LINGO2: variants seen among roughly 807,000 people sequenced by gnomAD.
LINGO2 encodes leucine rich repeat and Ig domain containing 2.
A neutral mutation model predicts 30.6 loss-of-function variants in LINGO2; 14 were observed. The observed-to-expected ratio is 0.46, with a 90% CI of 0.30 to 0.72. The LOEUF (loss-of-function observed/expected upper bound fraction) is 0.72, where lower values mean the gene tolerates loss of function less well. LINGO2 is among the 30% of genes least tolerant of loss of function. The pLI, the probability that LINGO2 is intolerant of heterozygous loss-of-function variation, is 0.07. For synonymous variants in LINGO2, 317 were observed against 288.5 expected (o/e 1.10, Z -1.00); for missense variants, 729 against 751.7 (o/e 0.97, Z 0.35).
At chr9:28,904,371 G>A in the LINGO2 span, among the ~76,000 whole-genome samples, 1 of 152,000 alleles carries the variant, frequency 6.6e-6, no homozygotes, top group Non-Finnish European at 1.5e-5. Context: ...CAATTAGCAA[G>A]AGAAAGAAAT....
At chr9:29,165,278 G>C in the LINGO2 span, among the ~76,000 whole-genome samples, 137 of 152,008 alleles carry the variant, frequency 9.0e-4, no homozygotes, top group Non-Finnish European at 1.5e-3. Flanking sequence ...CACATTTATT[G>C]AGTAACTATT....
the LINGO2 span, among the ~76,000 whole-genome samples, chr9:28,711,266 C>A: frequency 3.9e-5 from 6 of 152,016 alleles, no homozygotes; most frequent in Non-Finnish European, 7.4e-5. Context: ...TTAGGGCTAA[C>A]CCTACGTTTC....
the LINGO2 span, among the ~76,000 whole-genome samples, chr9:28,902,933 T>A: frequency 6.6e-6 from 1 of 150,970 alleles, no homozygotes; most frequent in Non-Finnish European, 1.5e-5. Context: ...AAGAAATATA[T>A]CAAATAAATA....
At chr9:29,095,449 T>G in the LINGO2 span, among the ~76,000 whole-genome samples, 3 of 137,422 alleles carry the variant, frequency 2.2e-5, 1 homozygote, top group Non-Finnish European at 4.7e-5. Flanking sequence ...ATAATAATAA[T>G]AAACACAACA....
intron 1 of LINGO2, among the ~76,000 whole-genome samples, chr9:28,552,244 C>T (rs969585544): frequency 4.6e-5 from 7 of 151,992 alleles, no homozygotes; most frequent in African/African-American, 1.4e-4. Flanking sequence ...GGGTGATTCC[C>T]TCTACCTTTC....
At chr9:28,930,925 T>C in the LINGO2 span, among the ~76,000 whole-genome samples, 1 of 152,186 alleles carries the variant, frequency 6.6e-6, no homozygotes, top group African/African-American at 2.4e-5. This position sits in a 1 kb window ranked among gnomAD's most constrained non-coding sequence, Gnocchi z 4.2. Flanking sequence ...TTTCATTATA[T>C]GTTATTTAAA....
the LINGO2 span, among the ~76,000 whole-genome samples, chr9:29,055,940 G>GTGTATATA: frequency 8.3e-6 from 1 of 119,982 alleles, no homozygotes; most frequent in African/African-American, 3.2e-5. Flanking sequence ...ATGTGTGTGT[G>GTGTATATA]TATATATACA....
chr9:28,922,377 T>A, the LINGO2 span, among the ~76,000 whole-genome samples: 35 of 102,686 alleles, frequency 3.4e-4, no homozygotes, highest in Non-Finnish European at 7.2e-4. Context: ...AAGAGTCAGA[T>A]TTTTTTTTTT....
At chr9:27,998,512 C>T (rs1249095587) in intron 5 of LINGO2, among the ~76,000 whole-genome samples, 2 of 152,184 alleles carry the variant, frequency 1.3e-5, no homozygotes, top group Admixed American at 6.5e-5. Context: ...GGCACGGTGG[C>T]TCATGCCTGT....
intron 3 of LINGO2, among the ~76,000 whole-genome samples, chr9:28,328,801 C>A (rs1032287898): frequency 3.2e-4 from 49 of 151,994 alleles, no homozygotes; most frequent in African/African-American, 1.2e-3. Flanking sequence ...TTTTAGTAAG[C>A]CAAGAATATC....
intron 4 of LINGO2, among the ~76,000 whole-genome samples, chr9:28,186,537 G>C (rs2133740815): frequency 6.6e-6 from 1 of 152,202 alleles, no homozygotes; most frequent in African/African-American, 2.4e-5. Context: ...ATATAAGAGT[G>C]TTTATAATGG....
chr9:28,577,198 T>C (rs1275759198), intron 1 of LINGO2, among the ~76,000 whole-genome samples: 1 of 152,182 alleles, frequency 6.6e-6, no homozygotes, highest in Non-Finnish European at 1.5e-5. Flanking sequence ...TTTAAATGAT[T>C]ATTAGCTCTT....
Position 28,038,912 on chromosome 9 carries a change from GCT to G in LINGO2, c.-86-26509_-86-26508del, listed in dbSNP as rs1451845340. ...CTTCCCTCAGACACCATAGTTGTTC[GCT>G]CTCTAGAAGTTGTCACTAAATCTCT... On this transcript the variant is annotated intron_variant, in intron 4 of 5. Coordinates refer to ENST00000379992, the Ensembl canonical transcript of LINGO2. Among the ~76,000 whole-genome samples, 8 of 152,230 alleles carry G rather than the reference GCT, an allele frequency of 5.3e-5. No homozygotes were observed. The South Asian group carries it at 1.5e-3, about 28-fold the overall frequency.
chr9:28,161,125 C>G (rs12682845), intron 4 of LINGO2, among the ~76,000 whole-genome samples: 13,208 of 152,200 alleles, frequency 0.087, 649 homozygotes, highest in East Asian at 0.2. Context: ...TGAACACATA[C>G]TGCATTTATA....
intron 4 of LINGO2, among the ~76,000 whole-genome samples, chr9:28,057,025 G>C (rs371990986): frequency 1.1e-4 from 17 of 152,218 alleles, no homozygotes; most frequent in Middle Eastern, 3.4e-3. Flanking sequence ...AATAACTAAA[G>C]AGTACCAAGA....
chr9:28,022,003 A>G (rs1334282107), intron 4 of LINGO2, among the ~76,000 whole-genome samples: 1 of 152,024 alleles, frequency 6.6e-6, no homozygotes, highest in African/African-American at 2.4e-5. Context: ...AATATCTACC[A>G]TATTTGAATT....
At chr9:28,756,102 T>C in the LINGO2 span, among the ~76,000 whole-genome samples, 2 of 152,104 alleles carry the variant, frequency 1.3e-5, no homozygotes, top group East Asian at 1.9e-4. Context: ...TGATCCATTC[T>C]ACAATTAGAA....
At chr9:28,620,809 C>A (rs551656758) in intron 1 of LINGO2, among the ~76,000 whole-genome samples, 24 of 152,048 alleles carry the variant, frequency 1.6e-4, no homozygotes, top group African/African-American at 5.5e-4. Context: ...AAGAACAACA[C>A]ACACTAGGAC....
chr9:29,019,441 A>AC, the LINGO2 span, among the ~76,000 whole-genome samples: 1 of 151,982 alleles, frequency 6.6e-6, no homozygotes. Context: ...TGTTATTTAT[A>AC]CCCCCCATTT....
Sources: allele counts gnomAD v4.1 joint callset (sites outside exome capture counted in the v4.1 genomes callset), GRCh38; gene constraint gnomAD v4.1.1; non-coding constraint Gnocchi (gnomAD v3.1); transcripts MANE v1.5; gene names NCBI Gene and HGNC (gene_info 2026-07-23, HGNC 2026-07-21).